LHFPL4: variants seen among roughly 807,000 people sequenced by gnomAD.
LHFPL4 encodes LHFPL tetraspan subfamily member 4.
LHFPL4 carries 6 observed loss-of-function variants against 20.0 expected under a neutral mutation model. The ratio of observed to expected loss-of-function variants is 0.30; its 90% CI spans 0.16 to 0.59. LHFPL4 has a LOEUF of 0.59. Ranked by LOEUF, LHFPL4 falls within the 20% of genes least tolerant of loss-of-function variation. The pLI, the probability that LHFPL4 is intolerant of heterozygous loss-of-function variation, is 0.88. For missense variants in LHFPL4, 215 were observed against 331.2 expected, an observed-to-expected ratio of 0.65 and a Z score of 2.72; for synonymous variants, 129 against 143.8, an observed-to-expected ratio of 0.90 and a Z score of 0.74.
intron 2 of LHFPL4, among the ~76,000 whole-genome samples, chr3:9,541,415 T>C (rs2046475460): frequency 6.6e-6 from 1 of 152,156 alleles, no homozygotes; most frequent in Non-Finnish European, 1.5e-5. Context: ...GGAAACTGAA[T>C]AGCCACATGC....
chr3:9,548,204 C>T (rs1386734185), intron 2 of LHFPL4, among the ~76,000 whole-genome samples: 1 of 152,198 alleles, frequency 6.6e-6, no homozygotes, highest in Non-Finnish European at 1.5e-5. Context: ...CTCTTTGAAG[C>T]TCAGCTTGAT....
chr3:9,508,511 A>G (rs1452744045), intron 2 of LHFPL4, among the ~76,000 whole-genome samples: 1 of 152,208 alleles, frequency 6.6e-6, no homozygotes, highest in Non-Finnish European at 1.5e-5. Flanking sequence ...GCCAGAGCTC[A>G]GGGGAAAACC....
chr3:9,504,027 C>A (rs972422570), intron 3 of LHFPL4, among the ~76,000 whole-genome samples: 2 of 151,680 alleles, frequency 1.3e-5, no homozygotes, highest in Non-Finnish European at 2.9e-5. Context: ...CCCCCTCCCC[C>A]AATCTCTTAA....
At chr3:9,511,728 A>T (rs1470798001) in intron 2 of LHFPL4, among the ~76,000 whole-genome samples, 3 of 152,222 alleles carry the variant, frequency 2.0e-5, no homozygotes, top group Non-Finnish European at 4.4e-5. Context: ...TGTTTAAAAG[A>T]CCTATTAGTA....
chr3:9,526,468 GTCTT>G (rs1302071048), intron 2 of LHFPL4, among the ~76,000 whole-genome samples: 1 of 152,164 alleles, frequency 6.6e-6, no homozygotes, highest in Non-Finnish European at 1.5e-5. Context: ...TTGAATAACT[GTCTT>G]TATTTTGCTC....
intron 2 of LHFPL4, among the ~76,000 whole-genome samples, chr3:9,526,200 G>GA (rs1307510024): frequency 6.6e-6 from 1 of 152,136 alleles, no homozygotes; most frequent in Non-Finnish European, 1.5e-5. Context: ...GACAGAAGGT[G>GA]AAATGGTAGC....
Position 9,541,256 on chromosome 3 carries a change from A to G in LHFPL4, c.406+11018T>C, listed in dbSNP as rs141072210. Among the ~76,000 whole-genome samples, 459 of 152,264 alleles carry G rather than the reference A, an allele frequency of 3.0e-3. 2 individuals are homozygous for G. Among genetic ancestry groups the G allele is most frequent in the African/African-American group, 0.011 (445 of 41,566 alleles). The stretch of plus-strand genomic sequence containing the variant: ...CGCACCCGGCAAAATAAAAATTTTT[A>G]AAAGACAGTCTGGTCTGGCATAAGG... On this transcript the variant is annotated intron_variant, in intron 2 of 3. Transcript: ENST00000287585.
intron 2 of LHFPL4, among the ~76,000 whole-genome samples, chr3:9,550,339 A>C (rs2046545329): frequency 6.6e-6 from 1 of 152,146 alleles, no homozygotes; most frequent in African/African-American, 2.4e-5. Flanking sequence ...ATGCAAGCAA[A>C]AGTGCCCTGG....
intron 2 of LHFPL4, among the ~76,000 whole-genome samples, chr3:9,511,850 T>C (rs1014299913): frequency 2.0e-5 from 3 of 152,130 alleles, no homozygotes; most frequent in Admixed American, 6.5e-5. Flanking sequence ...CGGATGCATC[T>C]TGCATGTGTC....
intron 2 of LHFPL4, among the ~76,000 whole-genome samples, chr3:9,507,377 C>T (rs2046225908): frequency 1.3e-5 from 2 of 152,174 alleles, no homozygotes; most frequent in Admixed American, 1.3e-4. Flanking sequence ...CCACACTGAG[C>T]AAGTTCCTTC....
chr3:9,538,300 G>T (rs1055275500), intron 2 of LHFPL4, among the ~76,000 whole-genome samples: 1 of 152,092 alleles, frequency 6.6e-6, no homozygotes, highest in African/African-American at 2.4e-5. Context: ...GAAAGTGATT[G>T]TCCATCATCT....
At chr3:9,548,150 TC>T (rs1670253667) in intron 2 of LHFPL4, among the ~76,000 whole-genome samples, 1 of 152,174 alleles carries the variant, frequency 6.6e-6, no homozygotes, top group African/African-American at 2.4e-5. Context: ...CAATTCGGGC[TC>T]CACCACTTAC....
chr3:9,551,852 A>G (rs556384851), intron 2 of LHFPL4, among the ~76,000 whole-genome samples: 1 of 152,230 alleles, frequency 6.6e-6, no homozygotes, highest in Non-Finnish European at 1.5e-5. Context: ...CCAAGTTGAT[A>G]GTGTCAACAA....
At chr3:9,534,422 G>A (rs2046432747) in intron 2 of LHFPL4, among the ~76,000 whole-genome samples, 1 of 152,194 alleles carries the variant, frequency 6.6e-6, no homozygotes, top group African/African-American at 2.4e-5. Flanking sequence ...CTAAGTGAAA[G>A]GCAAGGCTCA....
At chr3:9,537,263 G>C (rs185751901) in intron 2 of LHFPL4, among the ~76,000 whole-genome samples, 1 of 151,968 alleles carries the variant, frequency 6.6e-6, no homozygotes, top group Non-Finnish European at 1.5e-5. Context: ...TCCTGAAAAC[G>C]TGTCAAATTC....
In LHFPL4 at chr3:9,510,873, G is replaced by T. The variant is rs535128560; in HGVS notation, c.407-4670C>A. On this transcript the variant is annotated intron_variant, in intron 2 of 3. Transcript: ENST00000287585. Reference sequence around the variant, plus strand: ...GAATTCCTTGAACCCAGGAGGCGGAGGTTGCAGTGAGCCAAGATTGCACCA... The same window carrying T: ...GAATTCCTTGAACCCAGGAGGCGGATGTTGCAGTGAGCCAAGATTGCACCA... Among the ~76,000 whole-genome samples the T allele has an allele frequency of 3.9e-3, 586 of 151,838 alleles. 2 individuals are homozygous for T. The highest frequency in any genetic ancestry group is 6.5e-3 in the Non-Finnish European group (439 of 67,978).
intron 2 of LHFPL4, among the ~76,000 whole-genome samples, chr3:9,529,562 C>A (rs575110807): frequency 9.2e-5 from 14 of 152,172 alleles, no homozygotes; most frequent in Non-Finnish European, 1.9e-4. Context: ...CCTTGTACAT[C>A]TTCCTGAGAG....
intron 2 of LHFPL4, among the ~76,000 whole-genome samples, chr3:9,523,077 G>GAAGGAAGAAAGA (rs2046349943): frequency 8.8e-6 from 1 of 114,034 alleles, no homozygotes; most frequent in Non-Finnish European, 1.8e-5. Context: ...GAAAGAAAAG[G>GAAGGAAGAAAGA]AAGAAAGAAA....
chr3:9,502,202 C>A lies in LHFPL4; in HGVS notation c.*9G>T. On this transcript the variant is annotated 3_prime_UTR_variant, in exon 4 of 4. Transcript: ENST00000287585. Reference sequence around the variant, plus strand: ...GTCAGGCCAATTACTGGGCTGTGATCCTGGCCTTTCAGGGTCCCTGTGAGT... The same window carrying A: ...GTCAGGCCAATTACTGGGCTGTGATACTGGCCTTTCAGGGTCCCTGTGAGT... The A allele has an allele frequency of 1.2e-6, 2 of 1,607,228 alleles. No individual in the cohort carries two copies. The highest frequency in any genetic ancestry group is 1.3e-5 in the African/African-American group (1 of 74,870).
Sources: allele counts gnomAD v4.1 joint callset (sites outside exome capture counted in the v4.1 genomes callset), GRCh38; gene constraint gnomAD v4.1.1; transcripts MANE v1.5; gene names NCBI Gene and HGNC (gene_info 2026-07-23, HGNC 2026-07-21).